The following ELMO1 variants were observed in gnomAD, a reference collection of about 807,000 sequenced individuals.
ELMO1 encodes engulfment and cell motility 1, also known as engulfment and cell motility protein 1.
ELMO1 carries 26 observed loss-of-function variants against 98.9 expected under a neutral mutation model. The observed-to-expected ratio is 0.26, with a 90% CI of 0.19 to 0.36. The LOEUF (loss-of-function observed/expected upper bound fraction) is 0.36. Ranked by LOEUF, ELMO1 falls within the 10% of genes least tolerant of loss-of-function variation. The probability of loss-of-function intolerance (pLI) is 1.00; values close to 1 mark genes in which losing one functional copy is unlikely to be tolerated. For synonymous variants in ELMO1, 346 were observed against 346.0 expected, an observed-to-expected ratio of 1.00 and a Z score of 0.00; for missense variants, 627 against 935.2, an observed-to-expected ratio of 0.67 and a Z score of 4.30.
intron 16 of ELMO1, among the ~76,000 whole-genome samples, chr7:36,935,438 A>G (rs1005544993): frequency 1.3e-5 from 2 of 152,192 alleles, no homozygotes; most frequent in African/African-American, 4.8e-5. Flanking sequence ...TACTGGCCTA[A>G]TTGCAAAGTT....
chr7:37,101,647 G>C (rs921910739), intron 14 of ELMO1, among the ~76,000 whole-genome samples: 5 of 151,994 alleles, frequency 3.3e-5, no homozygotes, highest in Non-Finnish European at 7.4e-5. Flanking sequence ...ACCTTCCACC[G>C]AGCACATTCC....
At chr7:36,906,017 T>C (rs934675899) in intron 16 of ELMO1, among the ~76,000 whole-genome samples, 5 of 152,144 alleles carry the variant, frequency 3.3e-5, no homozygotes, top group African/African-American at 1.2e-4. Context: ...GAAAGGAGAT[T>C]TGATAAACTT....
intron 13 of ELMO1, among the ~76,000 whole-genome samples, chr7:37,201,546 T>A (rs192165043): frequency 6.6e-6 from 1 of 152,228 alleles, no homozygotes; most frequent in Non-Finnish European, 1.5e-5. Context: ...GGGGGGCCAG[T>A]TGCACATCCA....
In ELMO1 at chr7:36,897,322, A is replaced by G. The variant is rs1003492339; in HGVS notation, c.1438-2305T>C. On this transcript the variant is annotated intron_variant, in intron 16 of 21. Coordinates refer to ENST00000310758, the MANE Select transcript of ELMO1 (RefSeq NM_014800.11). ...ATGTCAGTAGTAGGACAAAGAAAACAGACGTGTGTGTGTGTGTGTGTGTGT... is the reference window on the plus strand; with the variant it reads ...ATGTCAGTAGTAGGACAAAGAAAACGGACGTGTGTGTGTGTGTGTGTGTGT... 3.1e-3 allele frequency among the ~76,000 whole-genome samples: 26 copies of G among 8,454 alleles called. 1 individual carries two copies. The highest frequency in any genetic ancestry group is 2.6e-3 in the Non-Finnish European group (7 of 2,658). The allele number at this position is 8,454 out of a possible 152,430, so 5.5% of individuals were successfully genotyped here.
intron 1 of ELMO1, among the ~76,000 whole-genome samples, chr7:37,438,093 A>G (rs1402923941): frequency 1.3e-5 from 2 of 152,074 alleles, no homozygotes; most frequent in African/African-American, 4.8e-5. Context: ...GAAACTTTCT[A>G]TCTGGGTTTG....
chr7:36,888,167 T>C (rs950264668), intron 17 of ELMO1, among the ~76,000 whole-genome samples: 1 of 152,182 alleles, frequency 6.6e-6, no homozygotes, highest in Admixed American at 6.5e-5. Flanking sequence ...TTGCTTCCAA[T>C]TCCATCATTC....
At chr7:37,281,210 T>C (rs945930982) in intron 4 of ELMO1, among the ~76,000 whole-genome samples, 8 of 144,556 alleles carry the variant, frequency 5.5e-5, no homozygotes, top group Non-Finnish European at 9.1e-5. Context: ...AATGATACAA[T>C]GGACTGTGGG....
At chr7:37,217,375 A>G (rs1484097898) in intron 10 of ELMO1, among the ~76,000 whole-genome samples, 2 of 152,198 alleles carry the variant, frequency 1.3e-5, no homozygotes, top group Admixed American at 6.5e-5. Flanking sequence ...AGTGGAGACT[A>G]AGGGAAAATA....
At chr7:37,129,666 A>G (rs972336549) in intron 14 of ELMO1, among the ~76,000 whole-genome samples, 2 of 152,040 alleles carry the variant, frequency 1.3e-5, no homozygotes, top group African/African-American at 4.8e-5. Flanking sequence ...TGCCACTCCC[A>G]CTACCCTAGT....
chr7:37,313,247 T>C (rs1158143137), intron 4 of ELMO1, among the ~76,000 whole-genome samples: 5 of 152,086 alleles, frequency 3.3e-5, no homozygotes, highest in Non-Finnish European at 7.4e-5. Context: ...TCTCTCGAGA[T>C]GGAGTCTCGC....
At chr7:37,135,072 C>T (rs1291377535) in intron 13 of ELMO1, among the ~76,000 whole-genome samples, 1 of 152,148 alleles carries the variant, frequency 6.6e-6, no homozygotes, top group African/African-American at 2.4e-5. Flanking sequence ...AAAATAGTTA[C>T]AAATATGCCT....
At chr7:37,221,420 G>A (rs1240006211) in intron 10 of ELMO1, among the ~76,000 whole-genome samples, 1 of 152,136 alleles carries the variant, frequency 6.6e-6, no homozygotes, top group Non-Finnish European at 1.5e-5. Context: ...AAGCTCCCCA[G>A]CATAGTTTCT....
intron 4 of ELMO1, among the ~76,000 whole-genome samples, chr7:37,303,129 A>G (rs908793810): frequency 1.1e-4 from 16 of 152,158 alleles, no homozygotes; most frequent in Non-Finnish European, 1.8e-4. Context: ...CCATTAAACA[A>G]ATGTTTATAG....
chr7:37,375,914 C>A (rs1802321296), intron 1 of ELMO1: 6 of 653,338 alleles, frequency 9.2e-6, no homozygotes, highest in Non-Finnish European at 1.4e-5. Flanking sequence ...AGACATAGTG[C>A]TGCTGTGCCT....
intron 13 of ELMO1, among the ~76,000 whole-genome samples, chr7:37,194,289 T>G (rs140108434): frequency 6.6e-6 from 1 of 152,182 alleles, no homozygotes; most frequent in Non-Finnish European, 1.5e-5. Context: ...TTATCCTAAA[T>G]GGAACAAACC....
At chr7:37,449,064 C>A (rs1187006645), upstream of ELMO1, 1 of 152,334 alleles carries the variant, frequency 6.6e-6, no homozygotes, top group Non-Finnish European at 1.5e-5. Flanking sequence ...GTTCGCCTTG[C>A]GCCCGCACCC....
intron 1 of ELMO1, among the ~76,000 whole-genome samples, 186 bp downstream of exon 1, chr7:37,448,489 T>C (rs1229964635): frequency 1.3e-5 from 2 of 151,802 alleles, no homozygotes; most frequent in Non-Finnish European, 2.9e-5. Flanking sequence ...GCCCTCACCC[T>C]GCCGAGCGCG....
At position 37,347,320 on chromosome 7, in the gene ELMO1, C is replaced by G. The variant is rs150011087; in HGVS notation, c.-73-4557G>C. Among the ~76,000 whole-genome samples the G allele has an allele frequency of 1.8e-4, 28 of 152,304 alleles. 1 individual carries two copies. Among genetic ancestry groups the G allele is most frequent in the African/African-American group, 6.7e-4 (28 of 41,568 alleles). ...GGCACAATTAGCAGCTGGGGCCATA[C>G]TTCTTTGCTGTAGGAGCTGCCCCGA... On this transcript the variant is annotated intron_variant, in intron 1 of 21. Coordinates refer to ENST00000310758, the MANE Select transcript of ELMO1 (RefSeq NM_014800.11).
At chr7:37,313,123 A>G (rs191651239) in intron 4 of ELMO1, among the ~76,000 whole-genome samples, 8 of 152,372 alleles carry the variant, frequency 5.3e-5, no homozygotes, top group African/African-American at 1.9e-4. Flanking sequence ...GCAAAGGGAA[A>G]ATAGAGACAG....
Sources: gnomAD v4.1 joint callset for allele counts (sites outside exome capture counted in the v4.1 genomes callset) on GRCh38, gnomAD v4.1.1 for gene constraint, MANE v1.5 for transcripts, NCBI Gene and HGNC (gene_info 2026-07-23, HGNC 2026-07-21) for gene names.